The following PCDHA7 variants were observed in gnomAD, a reference collection of about 807,000 sequenced individuals.
PCDHA7 encodes the protein protocadherin alpha-7.
Under a neutral mutation model 57.2 loss-of-function variants are expected in PCDHA7, and 37 were observed. That is an observed-to-expected ratio of 0.65 (90% confidence interval 0.50 to 0.85). The LOEUF is 0.85. Among genes scored for constraint, PCDHA7 ranks in the 40% least tolerant of loss-of-function variants. The pLI is 0.00. For synonymous variants in PCDHA7, 553 were observed against 558.8 expected (o/e 0.99, Z 0.15); for missense variants, 1,188 against 1,241.8 (o/e 0.96, Z 0.65).
At chr5:140,920,662 G>A (rs2079759376) in intron 1 of PCDHA7, among the ~76,000 whole-genome samples, 1 of 152,044 alleles carries the variant, frequency 6.6e-6, no homozygotes, top group Admixed American at 6.6e-5. Context: ...TTGCCAACAT[G>A]GTGAAACCCC....
At chr5:140,889,009 C>T (rs1030437186) in intron 1 of PCDHA7, among the ~76,000 whole-genome samples, 7 of 152,128 alleles carry the variant, frequency 4.6e-5, no homozygotes, top group Admixed American at 1.3e-4. Flanking sequence ...GCAAACCAAC[C>T]TCTACTTCCT....
At position 140,870,363 on chromosome 5, in the gene PCDHA7, T is replaced by C. The variant is rs782093088; in HGVS notation, c.2355+33625T>C. 1.9e-6 allele frequency: 3 copies of C among 1,614,206 alleles called. No homozygotes were observed. The South Asian group carries it at 3.3e-5, about 18-fold the overall frequency. On this transcript the variant is annotated intron_variant, in intron 1 of 3. Transcript: ENST00000525929. ...TGGACCGCGAGAACGTGTGGGCCTA[T>C]GAACTGGTGGTGACTGCGCGGGATG...
At chr5:140,967,652 T>A in intron 1 of PCDHA7, 1 of 1,614,152 alleles carries the variant, frequency 6.2e-7, no homozygotes, top group South Asian at 1.1e-5. Flanking sequence ...CAGGTACTCC[T>A]TGAGCAGCTA....
At chr5:140,968,050 C>T (rs782392575) in intron 1 of PCDHA7, 12 of 1,614,178 alleles carry the variant, frequency 7.4e-6, no homozygotes, top group Admixed American at 1.7e-5. Flanking sequence ...GCCCACTGGA[C>T]CGAGAGCGGG....
chr5:140,968,083 G>A (rs1298667830), intron 1 of PCDHA7: 1 of 1,614,006 alleles, frequency 6.2e-7, no homozygotes, highest in Non-Finnish European at 8.5e-7. Flanking sequence ...ACATCACGGT[G>A]ACAGCCACAG....
intron 3 of PCDHA7, among the ~76,000 whole-genome samples, chr5:141,006,916 A>G (rs111263219): frequency 0.011 from 1,648 of 152,304 alleles, 31 homozygotes; most frequent in African/African-American, 0.038. Context: ...TGGGATGCCC[A>G]TGAGATTTCC....
Position 140,842,578 on chromosome 5 carries a change from G to C in PCDHA7, c.2355+5840G>C, listed in dbSNP as rs2150339831. On this transcript the variant is annotated intron_variant, in intron 1 of 3. Transcript: ENST00000525929. ...GCGCCCTGGACCGCGAGAGAGTGTC[G>C]GCCTATGAGTTGGTGGTAACCGCGC... 18 of 1,515,278 alleles carry C rather than the reference G, an allele frequency of 1.2e-5. 1 individual carries two copies. The highest frequency in any genetic ancestry group is 1.5e-5 in the Non-Finnish European group (17 of 1,114,964). 93.9% of individuals were successfully genotyped at this position (1,515,278 alleles called of 1,614,324 possible). A position where few individuals can be genotyped will look rare whatever the true frequency, so the allele number is the denominator to read the frequency against.
chr5:141,004,350 G>A (rs2098163029), intron 3 of PCDHA7, among the ~76,000 whole-genome samples: 1 of 152,192 alleles, frequency 6.6e-6, no homozygotes, highest in South Asian at 2.1e-4. Context: ...GTGAGGGACT[G>A]GAGAGACCAC....
intron 1 of PCDHA7, chr5:140,857,914 C>T: frequency 6.3e-7 from 1 of 1,597,754 alleles, no homozygotes; most frequent in Non-Finnish European, 8.6e-7. Flanking sequence ...TCCCGTTTCG[C>T]GTGGGGCTGT....
chr5:140,870,833 A>G (rs782800341), intron 1 of PCDHA7: 3 of 1,613,654 alleles, frequency 1.9e-6, no homozygotes, highest in Admixed American at 3.3e-5. Context: ...GGCGCAGTTA[A>G]CAAGCTAGTA....
intron 1 of PCDHA7, chr5:140,883,933 G>C: frequency 6.2e-7 from 1 of 1,613,398 alleles, no homozygotes; most frequent in Non-Finnish European, 8.5e-7. Flanking sequence ...AGGTGTTCGT[G>C]CTGGACGAGA....
At chr5:140,886,605 A>G (rs998772471) in intron 1 of PCDHA7, among the ~76,000 whole-genome samples, 2 of 152,108 alleles carry the variant, frequency 1.3e-5, no homozygotes, top group Non-Finnish European at 2.9e-5. Flanking sequence ...AGGTGGGCGG[A>G]TCAGGAGATC....
intron 1 of PCDHA7, chr5:140,850,018 T>A: frequency 1.3e-6 from 2 of 1,596,890 alleles, no homozygotes; most frequent in Non-Finnish European, 1.7e-6. Context: ...TCGAGCTACG[T>A]GTCAGTGCAC....
At chr5:140,872,588 C>G (rs995645358) in intron 1 of PCDHA7, among the ~76,000 whole-genome samples, 4 of 151,876 alleles carry the variant, frequency 2.6e-5, no homozygotes, top group African/African-American at 2.4e-5. Context: ...CATCGTGAGA[C>G]CCCCATCTGA....
chr5:140,875,744 A>G, intron 1 of PCDHA7: 2 of 1,614,206 alleles, frequency 1.2e-6, no homozygotes, highest in Non-Finnish European at 1.7e-6. Flanking sequence ...TCTCGGATCG[A>G]CCGCGAGAAG....
chr5:140,853,458 T>TA lies in PCDHA7; in HGVS notation c.2355+16721dup. 7 of 974,486 alleles carry TA rather than the reference T, an allele frequency of 7.2e-6. 1 individual carries two copies. Among genetic ancestry groups the TA allele is most frequent in the Non-Finnish European group, 8.7e-6 (7 of 807,370 alleles). The allele number at this position is 974,486 out of a possible 1,614,324, so 60.4% of individuals were successfully genotyped here. ...CTATTTTGCCTAATAGGTCTCCTTA[T>TA]ATGCATCTGTAGTTAACATTCCTCA... On this transcript the variant is annotated intron_variant, in intron 1 of 3. Coordinates refer to ENST00000525929, the MANE Select transcript of PCDHA7 (RefSeq NM_018910.3).
chr5:140,884,339 G>C, intron 1 of PCDHA7: 1 of 1,613,906 alleles, frequency 6.2e-7, no homozygotes, highest in African/African-American at 1.3e-5. Flanking sequence ...GGGTCCAGAA[G>C]CGGCGCTGGT....
intron 1 of PCDHA7, among the ~76,000 whole-genome samples, chr5:140,840,723 G>A (rs2150309194): frequency 6.6e-6 from 1 of 152,104 alleles, no homozygotes; most frequent in East Asian, 1.9e-4. Flanking sequence ...ATTGAATAAA[G>A]AAAAGCAAAA....
Position 140,892,963 on chromosome 5 carries a change from A to C in PCDHA7, c.2355+56225A>C, listed in dbSNP as rs138089244. Among the ~76,000 whole-genome samples, 29 of 152,284 alleles carry C rather than the reference A, an allele frequency of 1.9e-4. No individual in the cohort carries two copies. In the East Asian group the frequency reaches 5.6e-3, roughly 29 times the overall value. ...ACAATACTACTTCCATGAGCTCAAT[A>C]AAATTTTGTAGCTGCCGTATAAGTG... On this transcript the variant is annotated intron_variant, in intron 1 of 3. Transcript: ENST00000525929.
Sources: allele counts gnomAD v4.1 joint callset (sites outside exome capture counted in the v4.1 genomes callset), GRCh38; gene constraint gnomAD v4.1.1; transcripts MANE v1.5; gene names NCBI Gene and HGNC (gene_info 2026-07-23, HGNC 2026-07-21).